Variants in DSCAML1 observed in about 807,000 individuals in gnomAD.
DSCAML1 encodes cell adhesion molecule DSCAML1.
In DSCAML1, 38 loss-of-function variants were observed where a neutral mutation model predicts 200.5. The ratio of observed to expected loss-of-function variants is 0.19; its 90% CI spans 0.15 to 0.25. The LOEUF is 0.25. Among genes scored for constraint, DSCAML1 ranks in the 10% least tolerant of loss-of-function variants. The probability of loss-of-function intolerance (pLI) is 1.00; values close to 1 mark genes in which losing one functional copy is unlikely to be tolerated. For synonymous variants in DSCAML1, 1,215 were observed against 1,165.0 expected, an observed-to-expected ratio of 1.04 and a Z score of -0.87; for missense variants, 2,223 against 2,858.8, an observed-to-expected ratio of 0.78 and a Z score of 5.07.
rs142570437 is a variant in DSCAML1 at position 117,679,031 on chromosome 11, C to G, written c.511+97760G>C. On this transcript the variant is annotated intron_variant, in intron 3 of 32. Coordinates refer to ENST00000651296, the MANE Select transcript of DSCAML1 (RefSeq NM_020693.4). ...ACACATATGGGGGAGGGGCTCCTCC[C>G]AGGCTCAGCGGCCTCATTGCCTTCC... 7.6e-4 allele frequency among the ~76,000 whole-genome samples: 116 copies of G among 152,374 alleles called. No individual in the cohort carries two copies. The East Asian group carries it at 0.018, about 24-fold the overall frequency.
upstream of DSCAML1, chr11:117,801,847 G>A (rs956672639): frequency 1.3e-5 from 2 of 152,234 alleles, no homozygotes; most frequent in Non-Finnish European, 2.9e-5. Context: ...CAGGGGCTGC[G>A]GAAGCCCCCA....
At chr11:117,446,154 A>G (rs756294184) in intron 20 of DSCAML1, among the ~76,000 whole-genome samples, 1 of 152,256 alleles carries the variant, frequency 6.6e-6, no homozygotes, top group Non-Finnish European at 1.5e-5. Flanking sequence ...ACCTGAGATC[A>G]GGAGTTTGAG....
chr11:117,794,043 C>G lies in DSCAML1; in HGVS notation c.46+2991G>C, dbSNP rs5013263. On this transcript the variant is annotated intron_variant, in intron 1 of 32. Transcript: ENST00000651296. ...CACATTTCCCCATTGCCCCCCCCCC[C>G]TTTTTTTAATTAGACACTGAACAGA... 1.5e-4 allele frequency among the ~76,000 whole-genome samples: 16 copies of G among 109,542 alleles called. No individual in the cohort carries two copies. In the East Asian group the frequency reaches 5.1e-3, roughly 35 times the overall value. The allele number at this position is 109,542 out of a possible 152,430, so 71.9% of individuals were successfully genotyped here.
At position 117,489,661 on chromosome 11, in the gene DSCAML1, A is replaced by G. The variant is rs1035296619; in HGVS notation, c.2360-7499T>C. On this transcript the variant is annotated intron_variant, in intron 11 of 32. Coordinates refer to ENST00000651296, the MANE Select transcript of DSCAML1 (RefSeq NM_020693.4). This position sits in a 1 kb window ranked among gnomAD's most constrained non-coding sequence, Gnocchi z 4.8. ...CATTCAAGCCTCAGTTACAGTCCCC[A>G]GCACCTGCTACAGTGCCTGGCACTG... 1.3e-5 allele frequency among the ~76,000 whole-genome samples: 2 copies of G among 152,200 alleles called. No individual in the cohort carries two copies. Among genetic ancestry groups the G allele is most frequent in the Admixed American group, 6.5e-5 (1 of 15,288 alleles).
rs757008487 is a variant in DSCAML1, at chr11:117,518,411, A to G, written c.1510+55T>C. 10 of 1,605,696 alleles carry G rather than the reference A, an allele frequency of 6.2e-6. 1 individual carries two copies. In the Admixed American group the frequency reaches 1.5e-4, roughly 24 times the overall value. The stretch of plus-strand genomic sequence containing the variant: ...TCAGCACAAGAATAATGGTAACCAC[A>G]GAGATGGCAAAGGAACTCAAAAACC... On this transcript the variant is annotated intron_variant, in intron 7 of 32. Coordinates refer to ENST00000651296, the MANE Select transcript of DSCAML1 (RefSeq NM_020693.4). This position sits in a 1 kb window ranked among gnomAD's most constrained non-coding sequence, Gnocchi z 6.3.
At chr11:117,631,608 C>T (rs1357361518) in intron 3 of DSCAML1, among the ~76,000 whole-genome samples, 1 of 152,194 alleles carries the variant, frequency 6.6e-6, no homozygotes, top group Non-Finnish European at 1.5e-5. Context: ...GAGAGAACAA[C>T]AGAATACATT....
At chr11:117,794,573 C>T (rs2055536612) in intron 1 of DSCAML1, among the ~76,000 whole-genome samples, 1 of 152,098 alleles carries the variant, frequency 6.6e-6, no homozygotes, top group Non-Finnish European at 1.5e-5. Context: ...CCTCCTCCCG[C>T]TCCTCACAGA....
chr11:117,617,671 C>T (rs960725684), intron 3 of DSCAML1, among the ~76,000 whole-genome samples: 1 of 143,078 alleles, frequency 7.0e-6, no homozygotes, highest in Non-Finnish European at 1.5e-5. Flanking sequence ...AGACAACACA[C>T]AGGTACACGC....
At chr11:117,448,810 G>A (rs904109916) in intron 20 of DSCAML1, among the ~76,000 whole-genome samples, 1 of 152,112 alleles carries the variant, frequency 6.6e-6, no homozygotes, top group African/African-American at 2.4e-5. Context: ...GCTGTTCTCA[G>A]TGAACACCTG....
At chr11:117,444,375 A>G (rs1158747493) in intron 20 of DSCAML1, among the ~76,000 whole-genome samples, 1 of 151,956 alleles carries the variant, frequency 6.6e-6, no homozygotes. Context: ...AGAATGGGGG[A>G]CAGGGGGTCC....
At chr11:117,566,560 TTTTG>T (rs927877836) in intron 3 of DSCAML1, among the ~76,000 whole-genome samples, 44 of 151,868 alleles carry the variant, frequency 2.9e-4, no homozygotes, top group African/African-American at 9.2e-4. Flanking sequence ...TTGGTTTTTT[TTTTG>T]TTTGTTTTAT....
chr11:117,795,517 G>A (rs1440909819), intron 1 of DSCAML1, among the ~76,000 whole-genome samples: 1 of 152,074 alleles, frequency 6.6e-6, no homozygotes, highest in African/African-American at 2.4e-5. Flanking sequence ...GAAGGAGTGC[G>A]ATGCGGGGGG....
chr11:117,726,395 G>A (rs1314254744), intron 3 of DSCAML1, among the ~76,000 whole-genome samples: 1 of 151,892 alleles, frequency 6.6e-6, no homozygotes, highest in Non-Finnish European at 1.5e-5. Context: ...ATTTGTTGTT[G>A]TTAGTATAGG....
intron 3 of DSCAML1, among the ~76,000 whole-genome samples, chr11:117,694,020 A>G (rs1033786840): frequency 2.0e-5 from 3 of 149,260 alleles, no homozygotes; most frequent in Non-Finnish European, 3.0e-5. Context: ...GTAGCGGATA[A>G]GGGTTTCCCT....
chr11:117,555,667 G>A (rs1277911358), intron 3 of DSCAML1, among the ~76,000 whole-genome samples: 1 of 152,190 alleles, frequency 6.6e-6, no homozygotes, highest in African/African-American at 2.4e-5. Flanking sequence ...GGGAGAGCAG[G>A]GGTTTGGCGG....
Position 117,503,666 on chromosome 11 carries a change from A to G in DSCAML1, c.2359+179T>C, listed in dbSNP as rs1222902047. Among the ~76,000 whole-genome samples the G allele has an allele frequency of 6.6e-6, 1 of 152,128 alleles. No individual in the cohort carries two copies. Among genetic ancestry groups the G allele is most frequent in the Non-Finnish European group, 1.5e-5 (1 of 68,024 alleles). ...TCTCAGGGTGAGGCCGCTGTTTTAGATGACAGTGCTTTTGAATGCCCCATC... is the reference window on the plus strand; with the variant it reads ...TCTCAGGGTGAGGCCGCTGTTTTAGGTGACAGTGCTTTTGAATGCCCCATC... On this transcript the variant is annotated intron_variant, in intron 11 of 32. Coordinates refer to ENST00000651296, the MANE Select transcript of DSCAML1 (RefSeq NM_020693.4). The surrounding 1 kb of genome is among the most constrained non-coding windows in gnomAD (Gnocchi z 5.2).
chr11:117,603,319 C>A (rs147128623), intron 3 of DSCAML1, among the ~76,000 whole-genome samples: 152 of 152,338 alleles, frequency 1.0e-3, no homozygotes, highest in Admixed American at 2.3e-3. Flanking sequence ...TATCCTGAAT[C>A]AAATGGCAGC....
Position 117,505,897 on chromosome 11 carries a change from C to G in DSCAML1, c.1784-165G>C, listed in dbSNP as rs1271404317. 1.3e-5 allele frequency among the ~76,000 whole-genome samples: 2 copies of G among 152,220 alleles called. No homozygotes were observed. Among genetic ancestry groups the G allele is most frequent in the Admixed American group, 6.5e-5 (1 of 15,286 alleles). On this transcript the variant is annotated intron_variant, in intron 8 of 32. Transcript: ENST00000651296. The surrounding 1 kb of genome is among the most constrained non-coding windows in gnomAD (Gnocchi z 6.7). ...ATGCATGCAGGGTCTCCTAATGATG[C>G]CTGGCTCCTGTCCCTCTGCCCGCCC...
chr11:117,624,383 A>G (rs959463906), intron 3 of DSCAML1, among the ~76,000 whole-genome samples: 84 of 152,302 alleles, frequency 5.5e-4, no homozygotes, highest in Admixed American at 1.5e-3. Context: ...GAAAGGCACT[A>G]TTAATCTGCA....
Sources: allele counts gnomAD v4.1 joint callset (sites outside exome capture counted in the v4.1 genomes callset), GRCh38; gene constraint gnomAD v4.1.1; non-coding constraint Gnocchi (gnomAD v3.1); transcripts MANE v1.5; gene names NCBI Gene and HGNC (gene_info 2026-07-23, HGNC 2026-07-21).